The following GOLGB1 variants were observed in gnomAD, a reference collection of about 807,000 sequenced individuals.
GOLGB1 encodes golgin subfamily B member 1.
In GOLGB1, 174 loss-of-function variants were observed where a neutral mutation model predicts 336.9. The observed-to-expected ratio is 0.52, with a 90% CI of 0.46 to 0.59. The LOEUF is 0.59. Ranked by LOEUF, GOLGB1 falls within the 20% of genes least tolerant of loss-of-function variation. The pLI is 0.00. For missense variants in GOLGB1, 3,331 were observed against 3,645.3 expected (o/e 0.91, Z 2.22); for synonymous variants, 1,208 against 1,289.2 (o/e 0.94, Z 1.35).
chr3:121,707,409 C>T (rs1023565175), intron 10 of GOLGB1, among the ~76,000 whole-genome samples: 12 of 151,334 alleles, frequency 7.9e-5, no homozygotes, highest in Non-Finnish European at 1.2e-4. Context: ...ATCATTTGAG[C>T]TCAGGAGGTT....
intron 17 of GOLGB1, 148 bp from the exon 18 acceptor site, chr3:121,669,503 G>A: frequency 8.6e-6 from 4 of 463,220 alleles, no homozygotes; most frequent in South Asian, 2.9e-5. Flanking sequence ...CTTCAAAGTT[G>A]GAAAAAGCAT....
chr3:121,668,938 T>TA (rs1402102952), intron 18 of GOLGB1, among the ~76,000 whole-genome samples: 3 of 152,214 alleles, frequency 2.0e-5, no homozygotes, highest in African/African-American at 7.2e-5. Context: ...AATCAACACT[T>TA]TCTCTGTTTC....
chr3:121,685,274 C>T (rs528022265), intron 14 of GOLGB1, among the ~76,000 whole-genome samples: 44 of 152,222 alleles, frequency 2.9e-4, no homozygotes, highest in African/African-American at 9.1e-4. Flanking sequence ...CAGTGGCTCA[C>T]GCCTGTAATC....
intron 10 of GOLGB1, among the ~76,000 whole-genome samples, chr3:121,710,490 C>T (rs1944257829): frequency 6.6e-6 from 1 of 152,140 alleles, no homozygotes; most frequent in Non-Finnish European, 1.5e-5. Context: ...ACAGTTAACT[C>T]TTGAATATGG....
At chr3:121,676,603 T>C (rs2107629373) in intron 17 of GOLGB1, among the ~76,000 whole-genome samples, 1 of 152,320 alleles carries the variant, frequency 6.6e-6, no homozygotes, top group South Asian at 2.1e-4. Flanking sequence ...AGCCTCAGCA[T>C]TACTACAAGT....
chr3:121,724,877 C>T lies in GOLGB1; in HGVS notation c.531+2036G>A, dbSNP rs1015096859. Among the ~76,000 whole-genome samples the T allele has an allele frequency of 5.3e-5, 8 of 152,312 alleles. No individual in the cohort carries two copies. The East Asian group carries it at 1.5e-3, about 29-fold the overall frequency. ...CACTTCAGGATACTGCTCCTTGCAG[C>T]CCAGCTGTTCTGGTTAGTGCAAAGC... On this transcript the variant is annotated intron_variant, in intron 5 of 21. Transcript: ENST00000614479.
chr3:121,730,368 T>C (rs1945998851), intron 2 of GOLGB1, among the ~76,000 whole-genome samples: 1 of 152,180 alleles, frequency 6.6e-6, no homozygotes. Context: ...TTACTTCTTG[T>C]CTTTTCAGAA....
intron 10 of GOLGB1, among the ~76,000 whole-genome samples, chr3:121,710,942 G>A (rs1944316104): frequency 6.6e-6 from 1 of 152,140 alleles, no homozygotes; most frequent in South Asian, 2.1e-4. Context: ...CACTTTGGGA[G>A]GCCAAGACGG....
chr3:121,712,477 G>T (rs1354786132), intron 10 of GOLGB1, among the ~76,000 whole-genome samples: 1 of 151,896 alleles, frequency 6.6e-6, no homozygotes, highest in Non-Finnish European at 1.5e-5. Context: ...ATTTAAAAGT[G>T]TGTGCTAATG....
chr3:121,693,696 G>C (rs1942676859), intron 13 of GOLGB1, 45 bp downstream of exon 13: 7 of 1,384,030 alleles, frequency 5.1e-6, no homozygotes, highest in Non-Finnish European at 7.0e-6. Context: ...GACTTTCTTT[G>C]CTTGAAGTTA....
intron 14 of GOLGB1, among the ~76,000 whole-genome samples, chr3:121,685,104 A>C (rs563052042): frequency 5.3e-5 from 8 of 152,366 alleles, no homozygotes; most frequent in African/African-American, 1.9e-4. Context: ...GAAAAACAGA[A>C]AGACTCAGGA....
Position 121,696,412 on chromosome 3 carries a change from G to T in GOLGB1, c.4111C>A (p.His1371Asn), listed in dbSNP as rs1375637939. 1.9e-6 allele frequency: 3 copies of T among 1,614,078 alleles called. No individual in the cohort carries two copies. The part of the protein sequence containing the change: ...LKTVSHEAEV[H>N]AESLQQKLES... The stretch of plus-strand genomic sequence containing the variant: ...AATTTCTGCTGCAGGCTTTCGGCAT[G>T]GACTTCAGCTTCATGGGATACTGTC... Residue 1371 changes from histidine (H) to asparagine (N), a missense_variant, in exon 13 of 22, where the codon CAT becomes AAT. Physicochemically the swap from His to Asn is moderately conservative, Grantham distance 68. Transcript: ENST00000614479.
At chr3:121,670,971 C>G (rs1326065836) in intron 17 of GOLGB1, among the ~76,000 whole-genome samples, 1 of 152,184 alleles carries the variant, frequency 6.6e-6, no homozygotes, top group Non-Finnish European at 1.5e-5. Context: ...ATAGATCCTT[C>G]TAGTTTAGGG....
chr3:121,736,423 C>G (rs1356224221), intron 1 of GOLGB1, among the ~76,000 whole-genome samples: 1 of 152,158 alleles, frequency 6.6e-6, no homozygotes, highest in Admixed American at 6.5e-5. Flanking sequence ...GGTACTTTAC[C>G]TCTGGGGTAT....
chr3:121,720,199 T>C (rs1411300318), intron 6 of GOLGB1, among the ~76,000 whole-genome samples: 1 of 152,184 alleles, frequency 6.6e-6, no homozygotes, highest in African/African-American at 2.4e-5. Context: ...AAATTCAAAC[T>C]AACATATCAT....
intron 14 of GOLGB1, among the ~76,000 whole-genome samples, chr3:121,687,369 G>A (rs1941861567): frequency 6.6e-6 from 1 of 152,178 alleles, no homozygotes; most frequent in Admixed American, 6.5e-5. Flanking sequence ...TTTGAGTAGT[G>A]CAGTAATACA....
chr3:121,724,755 C>CT (rs1208040902), intron 5 of GOLGB1, among the ~76,000 whole-genome samples: 3 of 152,140 alleles, frequency 2.0e-5, no homozygotes, highest in Non-Finnish European at 4.4e-5. Flanking sequence ...TTTTAGAAAT[C>CT]TTTAAGGCTG....
Position 121,694,110 on chromosome 3 carries a change from T to C in GOLGB1, c.6413A>G (p.Lys2138Arg). ...LERRLEQAEE[K>R]HLKEKKNMQE... ...CATATTCTTCTTCTCTTTCAGGTGCTTCTCTTCTGCCTGTTCCAGTCTTCG... is the reference window on the plus strand; with the variant it reads ...CATATTCTTCTTCTCTTTCAGGTGCCTCTCTTCTGCCTGTTCCAGTCTTCG... The change falls in exon 13 of 22, where the codon AAG (lysine) becomes AGG (arginine). Residue 2138 changes from lysine to arginine, a missense_variant. By Grantham distance (26) the Lys-to-Arg change is conservative. Transcript: ENST00000614479. The C allele has an allele frequency of 6.2e-7, 1 of 1,614,030 alleles. No homozygotes were observed. Among genetic ancestry groups the C allele is most frequent in the Non-Finnish European group, 8.5e-7 (1 of 1,180,026 alleles).
At chr3:121,727,118 C>A in intron 4 of GOLGB1, 77 bp from the exon 5 acceptor site, 1 of 737,332 alleles carries the variant, frequency 1.4e-6, no homozygotes, top group Non-Finnish European at 1.9e-6. Context: ...TCTAATTTTT[C>A]ATTTACAACC....
Sources: gnomAD v4.1 joint callset for allele counts (sites outside exome capture counted in the v4.1 genomes callset) on GRCh38, gnomAD v4.1.1 for gene constraint, MANE v1.5 for transcripts, NCBI Gene and HGNC (gene_info 2026-07-23, HGNC 2026-07-21) for gene names.